The following TMEM161B variants were observed in gnomAD, a reference collection of about 807,000 sequenced individuals.
TMEM161B encodes the protein transmembrane protein 161B.
A neutral mutation model predicts 61.8 loss-of-function variants in TMEM161B; 34 were observed. The ratio of observed to expected loss-of-function variants is 0.55; its 90% CI spans 0.42 to 0.73. TMEM161B has a LOEUF of 0.73. TMEM161B is among the 30% of genes least tolerant of loss of function. The pLI is 0.00. For synonymous variants in TMEM161B, 167 were observed against 192.8 expected, an observed-to-expected ratio of 0.87 and a Z score of 1.11; for missense variants, 456 against 558.5, an observed-to-expected ratio of 0.82 and a Z score of 1.85.
chr5:88,213,153 ATAT>A (rs1747161888), intron 5 of TMEM161B, among the ~76,000 whole-genome samples: 2 of 152,162 alleles, frequency 1.3e-5, no homozygotes. Context: ...TACTCAAAAT[ATAT>A]TATACTTCAC....
chr5:88,232,979 T>G (rs1178859418), intron 2 of TMEM161B, among the ~76,000 whole-genome samples: 1 of 152,226 alleles, frequency 6.6e-6, no homozygotes, highest in African/African-American at 2.4e-5. Context: ...ATGGGATAAC[T>G]CAGGGTTATC....
intron 4 of TMEM161B, 36 bp downstream of exon 4, chr5:88,225,733 G>T: frequency 7.4e-7 from 1 of 1,360,310 alleles, no homozygotes; most frequent in Admixed American, 1.8e-5. Flanking sequence ...ATATAAAACT[G>T]AGATTTATAG....
At chr5:88,232,749 A>G (rs1350969541) in intron 2 of TMEM161B, among the ~76,000 whole-genome samples, 1 of 151,866 alleles carries the variant, frequency 6.6e-6, no homozygotes, top group African/African-American at 2.4e-5. Context: ...AATTTTTTGT[A>G]TTTTTTAGTA....
At chr5:88,201,902 T>C (rs1744479446) in intron 9 of TMEM161B, 1 of 203,910 alleles carries the variant, frequency 4.9e-6, no homozygotes, top group African/African-American at 2.3e-5. Flanking sequence ...ATTTTATATA[T>C]ATTCCAAGAC....
chr5:88,267,587 A>G (rs1320055634), intron 1 of TMEM161B, among the ~76,000 whole-genome samples: 4 of 152,114 alleles, frequency 2.6e-5, no homozygotes, highest in Non-Finnish European at 5.9e-5. Context: ...CGGTGAAGAA[A>G]CTGACAATAA....
Position 88,196,091 on chromosome 5 carries a change from TTC to T in TMEM161B, c.*118_*119del. The T allele has an allele frequency of 6.9e-7, 1 of 1,450,054 alleles. No individual in the cohort carries two copies. The highest frequency in any genetic ancestry group is 9.1e-7 in the Non-Finnish European group (1 of 1,104,426). 89.8% of individuals were successfully genotyped at this position (1,450,054 alleles called of 1,614,324 possible). On this transcript the variant is annotated 3_prime_UTR_variant, in exon 12 of 12. Transcript: ENST00000296595. ...CAGAGGAAACATTTAATACAAGACATTCTGATATGTTTTTTTTTTCCCATTGT... is the reference window on the plus strand; with the variant it reads ...CAGAGGAAACATTTAATACAAGACATTGATATGTTTTTTTTTTCCCATTGT...
intron 2 of TMEM161B, among the ~76,000 whole-genome samples, chr5:88,229,220 C>T (rs909217703): frequency 6.6e-6 from 1 of 152,146 alleles, no homozygotes; most frequent in African/African-American, 2.4e-5. Flanking sequence ...TCATGGCTTG[C>T]CTAGTCATCC....
At chr5:88,209,546 T>A (rs1196930956) in intron 5 of TMEM161B, among the ~76,000 whole-genome samples, 1 of 152,158 alleles carries the variant, frequency 6.6e-6, no homozygotes, top group African/African-American at 2.4e-5. Flanking sequence ...TGCAATCTGA[T>A]CCAGACATGA....
chr5:88,233,521 A>C (rs977022291), intron 2 of TMEM161B, among the ~76,000 whole-genome samples: 1 of 152,184 alleles, frequency 6.6e-6, no homozygotes, highest in Non-Finnish European at 1.5e-5. Context: ...AAAGGCTAAT[A>C]GGTCATAGTA....
chr5:88,210,159 G>T (rs1433186890), intron 5 of TMEM161B, among the ~76,000 whole-genome samples: 1 of 152,066 alleles, frequency 6.6e-6, no homozygotes, highest in Non-Finnish European at 1.5e-5. Context: ...TTCTTCATTT[G>T]TAAAATGCCG....
At chr5:88,244,540 T>G (rs1353545490) in intron 1 of TMEM161B, among the ~76,000 whole-genome samples, 1 of 151,590 alleles carries the variant, frequency 6.6e-6, no homozygotes, top group East Asian at 1.9e-4. Context: ...ACTATAGCCT[T>G]GTGGTATAAT....
chr5:88,240,573 A>G (rs575416188), intron 2 of TMEM161B, among the ~76,000 whole-genome samples: 77 of 151,904 alleles, frequency 5.1e-4, no homozygotes, highest in South Asian at 1.5e-3. Flanking sequence ...CAATCCCAGA[A>G]CTTTGGGAAG....
At chr5:88,243,150 T>C (rs1016204741) in intron 1 of TMEM161B, among the ~76,000 whole-genome samples, 2 of 151,758 alleles carry the variant, frequency 1.3e-5, no homozygotes, top group African/African-American at 2.4e-5. Flanking sequence ...GTAAATTGCA[T>C]GTCACAGTGG....
At position 88,196,433 on chromosome 5, in the gene TMEM161B, A is replaced by G. The variant is rs765936755; in HGVS notation, c.1242T>C (p.Asn414=). ...PESISTLPVD[N]SLLSNSVYSE... is the part of the protein sequence containing the mutation. Reference sequence around the variant, plus strand: ...AGTAAACAGAATTGGACAGTAGACTATTATCCACTGGTAAGGTAGAGATAG... The same window carrying G: ...AGTAAACAGAATTGGACAGTAGACTGTTATCCACTGGTAAGGTAGAGATAG... The change falls in exon 12 of 12, where the codon AAT becomes AAC. Residue 414 remains asparagine (N), a synonymous_variant. Transcript: ENST00000296595. 3.1e-6 allele frequency: 5 copies of G among 1,613,054 alleles called. No individual in the cohort carries two copies. The highest frequency in any genetic ancestry group is 1.1e-5 in the South Asian group (1 of 91,024).
At chr5:88,217,153 G>A (rs1239827398) in intron 5 of TMEM161B, among the ~76,000 whole-genome samples, 1 of 152,166 alleles carries the variant, frequency 6.6e-6, no homozygotes. Flanking sequence ...GCTACTCGGA[G>A]GGCTGGGGTG....
chr5:88,235,284 G>A (rs1216119279), intron 2 of TMEM161B, among the ~76,000 whole-genome samples: 1 of 152,160 alleles, frequency 6.6e-6, no homozygotes, highest in African/African-American at 2.4e-5. Context: ...AGCAAACACA[G>A]AAAAGCACAG....
intron 1 of TMEM161B, among the ~76,000 whole-genome samples, chr5:88,255,198 T>A (rs1315092733): frequency 1.3e-5 from 2 of 152,126 alleles, no homozygotes; most frequent in Non-Finnish European, 2.9e-5. Flanking sequence ...CTTTGGTAGG[T>A]CTGAGGACTG....
chr5:88,266,661 A>G (rs747954678), intron 1 of TMEM161B, among the ~76,000 whole-genome samples: 3 of 152,332 alleles, frequency 2.0e-5, no homozygotes, highest in South Asian at 2.1e-4. Context: ...TCATAATATC[A>G]TTAGGCCCCA....
intron 5 of TMEM161B, among the ~76,000 whole-genome samples, chr5:88,216,356 T>C (rs1161216649): frequency 6.6e-6 from 1 of 152,222 alleles, no homozygotes; most frequent in Non-Finnish European, 1.5e-5. Context: ...CGGGAAAATA[T>C]TTTTGATGTG....
Sources: allele counts gnomAD v4.1 joint callset (sites outside exome capture counted in the v4.1 genomes callset), GRCh38; gene constraint gnomAD v4.1.1; transcripts MANE v1.5; gene names NCBI Gene and HGNC (gene_info 2026-07-23, HGNC 2026-07-21).